Variants in FAM90A1 observed in about 807,000 individuals in gnomAD.
The protein encoded by FAM90A1 is family with sequence similarity 90 member A1.
Under a neutral mutation model 14.8 loss-of-function variants are expected in FAM90A1, and 10 were observed. The ratio of observed to expected loss-of-function variants is 0.67; its 90% CI spans 0.42 to 1.14. FAM90A1 has a LOEUF of 1.14. Among genes scored for constraint, FAM90A1 ranks in the 50% most tolerant of loss-of-function variants. The pLI, the probability that FAM90A1 is intolerant of heterozygous loss-of-function variation, is 0.00. For synonymous variants in FAM90A1, 236 were observed against 248.4 expected (o/e 0.95, Z 0.47); for missense variants, 567 against 602.8 (o/e 0.94, Z 0.62).
At position 8,222,241 on chromosome 12, in the gene FAM90A1, C is replaced by T. The variant is rs1243733671; in HGVS notation, c.976G>A (p.Gly326Arg). The change falls in exon 7 of 7, where the codon GGG (glycine) becomes AGG (arginine). Residue 326 changes from glycine to arginine, a missense_variant. Coordinates refer to ENST00000538603, the MANE Select transcript of FAM90A1 (RefSeq NM_018088.3). ...PESAIQGGELGAPENLQPPPA... is the reference protein window; with the variant it reads ...PESAIQGGELRAPENLQPPPA... ...GGAGGTTGGAGATTCTCCGGGGCCC[C>T]CAGCTCACCTCCCTGGATGGCGCTT... The T allele has an allele frequency of 6.2e-7, 1 of 1,611,328 alleles. No individual in the cohort carries two copies. Among genetic ancestry groups the T allele is most frequent in the Non-Finnish European group, 8.5e-7 (1 of 1,179,922 alleles).
Position 8,222,542 on chromosome 12 carries a change from CA to C in FAM90A1, c.674del (p.Val225GlyfsTer2). 1.2e-6 allele frequency: 2 copies of C among 1,612,008 alleles called. No homozygotes were observed. Among genetic ancestry groups the C allele is most frequent in the African/African-American group, 1.3e-5 (1 of 74,964 alleles). ...VRHQGPEPLL[V>X]VKPTHSSPAG... ...CAGGGCTGCTGTGTGTCGGCTTCAC[CA>C]CGAGGAGAGGCTCGGGGCCCTGGTG... On this transcript the variant is annotated frameshift_variant, in exon 7 of 7. Coordinates refer to ENST00000538603, the MANE Select transcript of FAM90A1 (RefSeq NM_018088.3). LOFTEE classifies it low-confidence loss of function (END_TRUNC).
rs761198437 is a variant in FAM90A1, at chr12:8,223,470, C to T, written c.411G>A (p.Thr137=). ...EKPLPNQKGS[T]ESSDYLRVAS... is the part of the protein sequence containing the mutation. ...TCACCCTCAGATAATCAGAAGATTC[C>T]GTGGATCCTTTTTGATTTGGCAGCG... The change falls in exon 6 of 7, where the codon ACG becomes ACA. Residue 137 remains threonine (T), a synonymous_variant. Transcript: ENST00000538603. 1.6e-5 allele frequency: 26 copies of T among 1,608,060 alleles called. No homozygotes were observed. The African/African-American group carries it at 2.3e-4, about 14-fold the overall frequency.
At position 8,221,604 on chromosome 12, in the gene FAM90A1, A is replaced by T. The variant is rs1400736747; in HGVS notation, c.*218T>A. The T allele has an allele frequency of 1.6e-6, 1 of 618,002 alleles. No individual in the cohort carries two copies. The highest frequency in any genetic ancestry group is 2.8e-6 in the Non-Finnish European group (1 of 356,582). The allele number at this position is 618,002 out of a possible 1,614,324, so 38.3% of individuals were successfully genotyped here. A position where few individuals can be genotyped will look rare whatever the true frequency, so the allele number is the denominator to read the frequency against. On this transcript the variant is annotated 3_prime_UTR_variant, in exon 7 of 7. Transcript: ENST00000538603. ...GCTTTTCCTGGCGCGTTTCCAGAGA[A>T]CCATGCGAACTACAATGTCCCTCAC...
chr12:8,226,551 G>C (rs1948947887), intron 1 of FAM90A1, 73 bp from the exon 2 acceptor site: 1 of 165,228 alleles, frequency 6.1e-6, no homozygotes, highest in East Asian at 1.9e-4. Flanking sequence ...AGCTGGTCTT[G>C]AGACTCCAGG....
Position 8,221,512 on chromosome 12 carries a change from C to G in FAM90A1, c.*310G>C, listed in dbSNP as rs1396485572. On this transcript the variant is annotated 3_prime_UTR_variant, in exon 7 of 7. Coordinates refer to ENST00000538603, the MANE Select transcript of FAM90A1 (RefSeq NM_018088.3). Reference sequence around the variant, plus strand: ...CAGTAATTCCCCCGTTTCCTATTGACGTCCCAGCGGAAGTCTGACTCCTGC... The same window carrying G: ...CAGTAATTCCCCCGTTTCCTATTGAGGTCCCAGCGGAAGTCTGACTCCTGC... 4.2e-6 allele frequency: 2 copies of G among 472,414 alleles called. No homozygotes were observed. Among genetic ancestry groups the G allele is most frequent in the East Asian group, 4.3e-5 (1 of 23,416 alleles). 29.3% of individuals were successfully genotyped at this position (472,414 alleles called of 1,614,324 possible).
chr12:8,224,200 A>G lies in FAM90A1; in HGVS notation c.139T>C (p.Cys47Arg), dbSNP rs750439571. Residue 47 changes from cysteine (C) to arginine (R), a missense_variant, in exon 5 of 7, where the codon TGT (cysteine) becomes CGT (arginine). Cys to Arg is a radical substitution (Grantham distance 180). Coordinates refer to ENST00000538603, the MANE Select transcript of FAM90A1 (RefSeq NM_018088.3). ...CTGGCCGTGTGGCCAAAGGCCTCAC[A>G]GTTTTTGCACTTGAGCTGTGGGTGG... is the stretch of plus-strand genomic sequence containing the variant. The part of the protein sequence containing the change: ...EEDPRLKCKN[C>R]EAFGHTARST... 6.2e-7 allele frequency: 1 copy of G among 1,611,942 alleles called. No homozygotes were observed. The highest frequency in any genetic ancestry group is 2.2e-5 in the East Asian group (1 of 44,880).
In FAM90A1 at chr12:8,221,608, T is replaced by C. The variant is rs777161900; in HGVS notation, c.*214A>G. 4.8e-5 allele frequency: 30 copies of C among 624,802 alleles called. No homozygotes were observed. The highest frequency in any genetic ancestry group is 1.5e-4 in the African/African-American group (8 of 53,910). 38.7% of individuals were successfully genotyped at this position (624,802 alleles called of 1,614,324 possible). ...TTCCTGGCGCGTTTCCAGAGAACCA[T>C]GCGAACTACAATGTCCCTCACCAGA... On this transcript the variant is annotated 3_prime_UTR_variant, in exon 7 of 7. Transcript: ENST00000538603.
intron 3 of FAM90A1, among the ~76,000 whole-genome samples, 170 bp downstream of exon 3, chr12:8,225,666 G>A (rs1948927263): frequency 6.6e-6 from 1 of 152,022 alleles, no homozygotes; most frequent in Admixed American, 6.6e-5. Flanking sequence ...CCCACACATG[G>A]AGACGGAAAT....
intron 4 of FAM90A1, 108 bp downstream of exon 4, chr12:8,224,602 G>T: frequency 1.1e-6 from 1 of 950,444 alleles, no homozygotes. Context: ...CTGGGTGGTG[G>T]TGACAGAACT....
Position 8,222,649 on chromosome 12 carries a change from T to C in FAM90A1, c.568A>G (p.Ser190Gly), listed in dbSNP as rs1297308413. The C allele has an allele frequency of 3.1e-6, 5 of 1,611,578 alleles. No individual in the cohort carries two copies. Among genetic ancestry groups the C allele is most frequent in the Non-Finnish European group, 4.2e-6 (5 of 1,179,870 alleles). The change falls in exon 7 of 7, where the codon AGT becomes GGT. Residue 190 changes from serine (S) to glycine (G), a missense_variant. Coordinates refer to ENST00000538603, the MANE Select transcript of FAM90A1 (RefSeq NM_018088.3). ...LASLSPLRKA[S>G]LSSSSSLGPK... ...CCAAGACTTGAGGAGGAGCTCAGACTGGCTTTTCTGAGGGGAGACAGTGAA... is the reference window on the plus strand; with the variant it reads ...CCAAGACTTGAGGAGGAGCTCAGACCGGCTTTTCTGAGGGGAGACAGTGAA...
In FAM90A1 at chr12:8,224,000, C is replaced by T; in HGVS notation, c.323+16G>A. On this transcript the variant is annotated intron_variant, in intron 5 of 6. Coordinates refer to ENST00000538603, the MANE Select transcript of FAM90A1 (RefSeq NM_018088.3). ...GCAGTACCCTAAGAGTGGTGAAAAC[C>T]ACTCCCACTGCTCACCTTGGTCTCT... The T allele has an allele frequency of 6.2e-7, 1 of 1,611,340 alleles. No homozygotes were observed. The highest frequency in any genetic ancestry group is 8.5e-7 in the Non-Finnish European group (1 of 1,179,290).
At position 8,225,457 on chromosome 12, in the gene FAM90A1, C is replaced by A. The variant is rs150706908; in HGVS notation, c.-57+379G>T. Reference sequence around the variant, plus strand: ...CTATCTTTTTGGCTTTAGCTCCAGCCCCTCTTTATTTATTTTTCTGGTATT... The same window carrying A: ...CTATCTTTTTGGCTTTAGCTCCAGCACCTCTTTATTTATTTTTCTGGTATT... On this transcript the variant is annotated intron_variant, in intron 3 of 6. Coordinates refer to ENST00000538603, the MANE Select transcript of FAM90A1 (RefSeq NM_018088.3). Among the ~76,000 whole-genome samples, 670 of 152,286 alleles carry A rather than the reference C, an allele frequency of 4.4e-3. 9 individuals carry two copies. Among genetic ancestry groups the A allele is most frequent in the African/African-American group, 0.016 (649 of 41,542 alleles).
chr12:8,223,047 C>T (rs776143332), intron 6 of FAM90A1, among the ~76,000 whole-genome samples: 8 of 152,336 alleles, frequency 5.3e-5, no homozygotes, highest in South Asian at 4.1e-4. Context: ...TGGATCAAAG[C>T]GCCTCCACTC....
Position 8,221,796 on chromosome 12 carries a change from C to A in FAM90A1, c.*26G>T. ...CCCTCCAAGTCACGGGAGCTGGAGGCCAAGGAGCCCCTGCCACCTGCAGTC... is the reference window on the plus strand; with the variant it reads ...CCCTCCAAGTCACGGGAGCTGGAGGACAAGGAGCCCCTGCCACCTGCAGTC... On this transcript the variant is annotated 3_prime_UTR_variant, in exon 7 of 7. Transcript: ENST00000538603. 1.3e-6 allele frequency: 2 copies of A among 1,587,824 alleles called. No individual in the cohort carries two copies. Among genetic ancestry groups the A allele is most frequent in the South Asian group, 1.1e-5 (1 of 90,724 alleles).
At chr12:8,226,134 A>G (rs1257408039) in intron 2 of FAM90A1, 138 bp downstream of exon 2, 1 of 152,174 alleles carries the variant, frequency 6.6e-6, no homozygotes, top group East Asian at 1.9e-4. Flanking sequence ...TCTAAAACCT[A>G]CGTGTACAGC....
chr12:8,226,196 T>A (rs1302093501), intron 2 of FAM90A1, 76 bp downstream of exon 2: 1 of 152,288 alleles, frequency 6.6e-6, no homozygotes, highest in Non-Finnish European at 1.5e-5. Context: ...CACTGGTGCC[T>A]GTACCCCTGT....
chr12:8,224,867 C>T lies in FAM90A1; in HGVS notation c.-35G>A. ...CTGGGGGTTTTATGACCGCCTTTTT[C>T]AGGGGTTGATTGTCGGGTCACCTGA... On this transcript the variant is annotated 5_prime_UTR_variant, in exon 4 of 7. The change abolishes the stop of an existing upstream ORF in the 5' untranslated region. Coordinates refer to ENST00000538603, the MANE Select transcript of FAM90A1 (RefSeq NM_018088.3). 1 of 1,604,400 alleles carries T rather than the reference C, an allele frequency of 6.2e-7. No individual in the cohort carries two copies. The highest frequency in any genetic ancestry group is 8.5e-7 in the Non-Finnish European group (1 of 1,179,692).
rs763274634 is a variant in FAM90A1 at position 8,222,638 on chromosome 12, G to T, written c.579C>A (p.Ser193=). 4.3e-6 allele frequency: 7 copies of T among 1,611,778 alleles called. No individual in the cohort carries two copies. In the South Asian group the frequency reaches 7.7e-5, roughly 18 times the overall value. ...TTTCCTTTGGTCCAAGACTTGAGGA[G>T]GAGCTCAGACTGGCTTTTCTGAGGG... is the stretch of plus-strand genomic sequence containing the variant. ...LSPLRKASLS[S]SSSLGPKERQ... is the part of the protein sequence containing the mutation. The change falls in exon 7 of 7, where the codon TCC becomes TCA. Residue 193 remains serine (S), a synonymous_variant. Transcript: ENST00000538603.
In FAM90A1 at chr12:8,221,639, AC is replaced by A. The variant is rs1591636619; in HGVS notation, c.*182del. 1 of 695,800 alleles carries A rather than the reference AC, an allele frequency of 1.4e-6. No homozygotes were observed. The allele number at this position is 695,800 out of a possible 1,614,324, so 43.1% of individuals were successfully genotyped here. On this transcript the variant is annotated 3_prime_UTR_variant, in exon 7 of 7. Transcript: ENST00000538603. ...CTACAATGTCCCTCACCAGAATTCA[AC>A]GTGGCAGAGTCCCTGCATCTGCTCC...
Sources: gnomAD v4.1 joint callset for allele counts (sites outside exome capture counted in the v4.1 genomes callset) on GRCh38, gnomAD v4.1.1 for gene constraint, MANE v1.5 for transcripts, NCBI Gene and HGNC (gene_info 2026-07-23, HGNC 2026-07-21) for gene names.